Variants in RIPOR2 observed in about 807,000 individuals in gnomAD.
RIPOR2 encodes rho family-interacting cell polarization regulator 2.
In RIPOR2, 39 loss-of-function variants were observed where a neutral mutation model predicts 114.5. The ratio of observed to expected loss-of-function variants is 0.34; its 90% CI spans 0.26 to 0.44. RIPOR2 has a LOEUF of 0.44. RIPOR2 is among the 20% of genes least tolerant of loss of function. RIPOR2 has a pLI of 1.00. For synonymous variants in RIPOR2, 445 were observed against 484.4 expected, an observed-to-expected ratio of 0.92 and a Z score of 1.07; for missense variants, 1,007 against 1,255.1, an observed-to-expected ratio of 0.80 and a Z score of 2.99.
At chr6:25,008,863 C>A (rs2113671788) in intron 1 of RIPOR2, among the ~76,000 whole-genome samples, 1 of 152,322 alleles carries the variant, frequency 6.6e-6, no homozygotes, top group Non-Finnish European at 1.5e-5. Context: ...TAGGGAAGTG[C>A]CAGGGTTGAG....
intron 19 of RIPOR2, among the ~76,000 whole-genome samples, chr6:24,823,582 G>A (rs1759887605): frequency 6.6e-6 from 1 of 152,036 alleles, no homozygotes. Context: ...ATAATACCAG[G>A]GACACAGTAG....
intron 1 of RIPOR2, among the ~76,000 whole-genome samples, chr6:24,999,739 G>T (rs10946740): frequency 0.34 from 52,227 of 151,706 alleles, 9,432 homozygotes; most frequent in South Asian, 0.42. Flanking sequence ...TGTATTTTTA[G>T]TAGAGACAGG....
intron 1 of RIPOR2, chr6:24,948,449 T>G (rs570323802): frequency 6.6e-6 from 1 of 152,258 alleles, no homozygotes; most frequent in Non-Finnish European, 1.5e-5. Context: ...CAGATTCCTC[T>G]CCTTCACTGC....
At chr6:24,907,982 C>A (rs184823316) in intron 1 of RIPOR2, among the ~76,000 whole-genome samples, 1 of 151,480 alleles carries the variant, frequency 6.6e-6, no homozygotes, top group Non-Finnish European at 1.5e-5. Context: ...ACCCCCACCC[C>A]ACCCCAATTC....
At chr6:24,809,859 C>A in intron 20 of RIPOR2, 52 bp from the exon 21 acceptor site, 1 of 1,189,538 alleles carries the variant, frequency 8.4e-7, no homozygotes, top group Non-Finnish European at 1.2e-6. Context: ...GTCTAGAGTA[C>A]CACGAGACTT....
At chr6:24,869,444 A>G (rs928603695) in intron 5 of RIPOR2, among the ~76,000 whole-genome samples, 1 of 151,766 alleles carries the variant, frequency 6.6e-6, no homozygotes. Context: ...CAGCCTCCCA[A>G]GTAGCTGGGA....
chr6:24,963,420 C>T (rs1303445875), intron 1 of RIPOR2, among the ~76,000 whole-genome samples: 1 of 152,202 alleles, frequency 6.6e-6, no homozygotes, highest in South Asian at 2.1e-4. Context: ...AGCTAGTGCT[C>T]ACTCTTTTTA....
At chr6:24,910,911 G>A (rs1284682156) in intron 1 of RIPOR2, 24 of 985,244 alleles carry the variant, frequency 2.4e-5, no homozygotes, top group Non-Finnish European at 2.8e-5. Flanking sequence ...GGAGCTGCCC[G>A]CACCTCCGGC....
chr6:24,855,913 G>A (rs1056371613), intron 8 of RIPOR2, among the ~76,000 whole-genome samples: 1 of 152,012 alleles, frequency 6.6e-6, no homozygotes, highest in Non-Finnish European at 1.5e-5. Context: ...GTGCGCCCGT[G>A]GTCCCAGTTA....
At chr6:24,818,879 C>T (rs1759416718) in intron 19 of RIPOR2, among the ~76,000 whole-genome samples, 1 of 151,424 alleles carries the variant, frequency 6.6e-6, no homozygotes, top group Non-Finnish European at 1.5e-5. Context: ...TATTGAGTAA[C>T]ATAATGACCG....
chr6:25,032,696 T>C (rs1777052261), intron 1 of RIPOR2, among the ~76,000 whole-genome samples: 1 of 152,174 alleles, frequency 6.6e-6, no homozygotes, highest in African/African-American at 2.4e-5. Context: ...AGTAAGTACG[T>C]GGACGGTTCA....
At chr6:24,988,417 GC>G (rs545669072) in intron 1 of RIPOR2, among the ~76,000 whole-genome samples, 63 of 152,242 alleles carry the variant, frequency 4.1e-4, no homozygotes, top group South Asian at 8.3e-4. Context: ...CAGGTAATCT[GC>G]CCTCCTTGGC....
rs997771790 is a variant in RIPOR2, at chr6:24,976,975, C to T, written c.76+64876G>A. On this transcript the variant is annotated intron_variant, in intron 1 of 13. Coordinates refer to the RIPOR2 transcript ENST00000510784. ...TCACCATTGCTGACTGTGGACAACT[C>T]GAATAAGTTTGACTTGTGTTTTATC... 7.8e-6 allele frequency: 12 copies of T among 1,543,950 alleles called. No homozygotes were observed. The East Asian group carries it at 1.6e-4, about 20-fold the overall frequency.
chr6:24,893,901 T>C (rs551149710), intron 1 of RIPOR2, among the ~76,000 whole-genome samples: 1 of 152,136 alleles, frequency 6.6e-6, no homozygotes, highest in Non-Finnish European at 1.5e-5. Context: ...AAGAAACAAA[T>C]GCGCAATTTG....
chr6:24,954,456 C>CTTTTTTTTT (rs10667748), intron 1 of RIPOR2, among the ~76,000 whole-genome samples: 1 of 132,394 alleles, frequency 7.6e-6, no homozygotes, highest in African/African-American at 2.8e-5. Flanking sequence ...TCTCTCTCTC[C>CTTTTTTTTT]TTTTTTTTTT....
Position 24,855,990 on chromosome 6 carries a change from T to C in RIPOR2, c.716-3372A>G, listed in dbSNP as rs113054930. On this transcript the variant is annotated intron_variant, in intron 8 of 21. Coordinates refer to ENST00000643898, the MANE Select transcript of RIPOR2 (RefSeq NM_001286445.3). ...TTCAGGCGGCCGTGAGCCACTGAAC[T>C]CCAGCCTGTGTGACAGAGCGAGACC... Among the ~76,000 whole-genome samples the C allele has an allele frequency of 8.2e-3, 1,255 of 152,244 alleles. 16 individuals are homozygous for C. The highest frequency in any genetic ancestry group is 0.027 in the African/African-American group (1,130 of 41,544).
intron 1 of RIPOR2, among the ~76,000 whole-genome samples, chr6:24,960,693 C>A (rs916022844): frequency 1.3e-5 from 2 of 152,034 alleles, no homozygotes; most frequent in East Asian, 3.9e-4. Flanking sequence ...GTGCACCTGG[C>A]TAATTTTTCC....
chr6:24,902,578 G>T (rs1195859314), intron 1 of RIPOR2, among the ~76,000 whole-genome samples: 1 of 152,128 alleles, frequency 6.6e-6, no homozygotes, highest in Non-Finnish European at 1.5e-5. Flanking sequence ...ACTTCCTGAA[G>T]TAAGGTTTGC....
intron 1 of RIPOR2, among the ~76,000 whole-genome samples, chr6:24,913,734 A>T (rs886741103): frequency 3.3e-5 from 5 of 152,098 alleles, no homozygotes; most frequent in Admixed American, 1.3e-4. Context: ...GCTTGCGCCC[A>T]TTCTCTCTCT....
Sources: gnomAD v4.1 joint callset for allele counts (sites outside exome capture counted in the v4.1 genomes callset) on GRCh38, gnomAD v4.1.1 for gene constraint, MANE v1.5 for transcripts, NCBI Gene and HGNC (gene_info 2026-07-23, HGNC 2026-07-21) for gene names.